Variants in PICALM observed in about 807,000 individuals in gnomAD.
The protein encoded by PICALM is phosphatidylinositol-binding clathrin assembly protein.
In PICALM, 40 loss-of-function variants were observed where a neutral mutation model predicts 80.5. The ratio of observed to expected loss-of-function variants is 0.50; its 90% CI spans 0.39 to 0.65. PICALM has a LOEUF of 0.65. PICALM is among the 30% of genes least tolerant of loss of function. The pLI is 0.00. For synonymous variants in PICALM, 288 were observed against 260.3 expected, an observed-to-expected ratio of 1.11 and a Z score of -1.02; for missense variants, 676 against 778.9, an observed-to-expected ratio of 0.87 and a Z score of 1.57.
chr11:85,967,443 T>G (rs566095459), intron 19 of PICALM, among the ~76,000 whole-genome samples: 205 of 152,380 alleles, frequency 1.3e-3, no homozygotes, highest in African/African-American at 4.9e-3. Flanking sequence ...ATAAGTTGTC[T>G]TGTTAGCAAT....
chr11:86,015,956 A>C (rs1466514257), intron 4 of PICALM, among the ~76,000 whole-genome samples: 1 of 152,236 alleles, frequency 6.6e-6, no homozygotes, highest in East Asian at 1.9e-4. Context: ...TTTAATAACC[A>C]AATACTAGAC....
At chr11:86,012,256 GT>G in intron 6 of PICALM, 24 bp downstream of exon 6, 1 of 1,246,810 alleles carries the variant, frequency 8.0e-7, no homozygotes, top group Non-Finnish European at 1.2e-6. Context: ...GATAAGAAAT[GT>G]TATTAGGCTA....
intron 7 of PICALM, among the ~76,000 whole-genome samples, 158 bp downstream of exon 7, chr11:86,010,872 T>G (rs1288992939): frequency 6.6e-6 from 1 of 152,254 alleles, no homozygotes; most frequent in African/African-American, 2.4e-5. Flanking sequence ...CACTACTTTA[T>G]CATATTCATA....
chr11:85,993,117 G>C (rs530556833), intron 12 of PICALM, among the ~76,000 whole-genome samples: 2 of 145,326 alleles, frequency 1.4e-5, no homozygotes, highest in Non-Finnish European at 3.0e-5. Context: ...TAAGAGTCTT[G>C]CTCTGTTGCC....
rs2095751550 is a variant in PICALM, at chr11:86,031,489, AATG to A, written c.250_252del (p.His84del). 6.2e-7 allele frequency: 1 copy of A among 1,612,286 alleles called. No homozygotes were observed. The highest frequency in any genetic ancestry group is 8.5e-7 in the Non-Finnish European group (1 of 1,179,290). Reference sequence around the variant, plus strand: ...CTTACCTCATTTCCATACACCATCAAATGATGAGTTGTAATGAGAGATTTGAAG... The same window carrying A: ...CTTACCTCATTTCCATACACCATCAAATGAGTTGTAATGAGAGATTTGAAG... On this transcript the variant is annotated inframe_deletion, in exon 2 of 20. Coordinates refer to ENST00000393346, the MANE Select transcript of PICALM (RefSeq NM_007166.4).
chr11:85,960,889 T>C lies in PICALM; in HGVS notation c.1945-1829A>G, dbSNP rs928140600. The C allele has an allele frequency of 1.9e-5, 7 of 364,240 alleles. 1 individual carries two copies. In the Middle Eastern group the frequency reaches 1.3e-3, roughly 66 times the overall value. 22.6% of individuals were successfully genotyped at this position (364,240 alleles called of 1,614,324 possible). On this transcript the variant is annotated intron_variant, in intron 19 of 19. Coordinates refer to ENST00000393346, the MANE Select transcript of PICALM (RefSeq NM_007166.4). The stretch of plus-strand genomic sequence containing the variant: ...GTGGTTTTGGTTTTGTCATCTTTAA[T>C]AAATATAAGGGCAGTCTTTGTAGAA...
At chr11:86,034,374 G>A (rs1593162991) in intron 1 of PICALM, among the ~76,000 whole-genome samples, 1 of 152,092 alleles carries the variant, frequency 6.6e-6, no homozygotes, top group East Asian at 1.9e-4. Flanking sequence ...CTCCAAGTCA[G>A]GAAGGAAAAT....
chr11:86,065,323 G>A (rs1027370453), intron 1 of PICALM, among the ~76,000 whole-genome samples: 2 of 151,946 alleles, frequency 1.3e-5, no homozygotes, highest in Non-Finnish European at 2.9e-5. Context: ...GCATGCGCCT[G>A]TAGTCACAGC....
At chr11:86,006,448 G>A (rs1453780179) in intron 8 of PICALM, among the ~76,000 whole-genome samples, 1 of 152,116 alleles carries the variant, frequency 6.6e-6, no homozygotes, top group African/African-American at 2.4e-5. Flanking sequence ...AGGAGTTTGA[G>A]ACCAGCCTGG....
intron 1 of PICALM, among the ~76,000 whole-genome samples, chr11:86,039,350 C>G (rs2095904833): frequency 6.6e-6 from 1 of 151,994 alleles, no homozygotes; most frequent in African/African-American, 2.4e-5. Flanking sequence ...ATAATCATGC[C>G]TGTGAACAAC....
At chr11:85,963,711 C>A (rs1256413100) in intron 19 of PICALM, among the ~76,000 whole-genome samples, 1 of 152,118 alleles carries the variant, frequency 6.6e-6, no homozygotes, top group East Asian at 1.9e-4. Context: ...TTACCAAAAT[C>A]TTTGCATTAT....
chr11:85,976,724 AT>A, intron 17 of PICALM, 42 bp from the exon 18 acceptor site: 3 of 1,187,698 alleles, frequency 2.5e-6, no homozygotes, highest in South Asian at 1.2e-5. Flanking sequence ...AGTATAACTC[AT>A]GTGTGTCAAC....
intron 19 of PICALM, among the ~76,000 whole-genome samples, chr11:85,961,524 A>C (rs1481230915): frequency 6.6e-6 from 1 of 152,260 alleles, no homozygotes; most frequent in East Asian, 1.9e-4. Flanking sequence ...AACTGAATTC[A>C]GTATGTATCT....
chr11:85,976,606 C>A lies in PICALM; in HGVS notation c.1839+17G>T, dbSNP rs750265947. The A allele has an allele frequency of 6.6e-7, 1 of 1,515,324 alleles. No homozygotes were observed. Among genetic ancestry groups the A allele is most frequent in the South Asian group, 1.1e-5 (1 of 89,020 alleles). 93.9% of individuals were successfully genotyped at this position (1,515,324 alleles called of 1,614,324 possible). A position where few individuals can be genotyped will look rare whatever the true frequency, so the allele number is the denominator to read the frequency against. On this transcript the variant is annotated intron_variant, in intron 18 of 19. Coordinates refer to ENST00000393346, the MANE Select transcript of PICALM (RefSeq NM_007166.4). The stretch of plus-strand genomic sequence containing the variant: ...ATCAATATTTTTTCCAAAAGCTGTA[C>A]CTAGGAAAATACTTACAATTCCATA...
intron 1 of PICALM, among the ~76,000 whole-genome samples, chr11:86,047,428 G>A (rs2096093496): frequency 1.3e-5 from 2 of 152,190 alleles, no homozygotes; most frequent in Non-Finnish European, 2.9e-5. Context: ...CGAAAGTTCT[G>A]GGCATTGCCC....
intron 1 of PICALM, 44 bp downstream of exon 1, chr11:86,068,607 C>A: frequency 6.3e-7 from 1 of 1,578,442 alleles, no homozygotes; most frequent in South Asian, 1.1e-5. Context: ...GCGCGCGGGT[C>A]GCGCGGGCGC....
intron 4 of PICALM, among the ~76,000 whole-genome samples, chr11:86,021,498 GA>G (rs59078727): frequency 3.4e-3 from 383 of 113,268 alleles, no homozygotes; most frequent in African/African-American, 9.4e-3. Context: ...TACCATTTAA[GA>G]AAAAAAAAAA....
chr11:86,066,640 A>C (rs1225187267), intron 1 of PICALM, among the ~76,000 whole-genome samples: 1 of 152,142 alleles, frequency 6.6e-6, no homozygotes, highest in Non-Finnish European at 1.5e-5. Flanking sequence ...AATAAGACAC[A>C]AACCTTTACA....
At chr11:86,021,493 T>G (rs1359109471) in intron 4 of PICALM, among the ~76,000 whole-genome samples, 2 of 140,362 alleles carry the variant, frequency 1.4e-5, no homozygotes, top group Admixed American at 7.0e-5. Context: ...ATGGCTACCA[T>G]TTAAGAAAAA....
Sources: allele counts gnomAD v4.1 joint callset (sites outside exome capture counted in the v4.1 genomes callset), GRCh38; gene constraint gnomAD v4.1.1; transcripts MANE v1.5; gene names NCBI Gene and HGNC (gene_info 2026-07-23, HGNC 2026-07-21).